The following PTPRE variants were observed in gnomAD, a reference collection of about 807,000 sequenced individuals.
PTPRE encodes the protein protein tyrosine phosphatase receptor type E, also known as receptor-type tyrosine-protein phosphatase epsilon.
A neutral mutation model predicts 102.0 loss-of-function variants in PTPRE; 51 were observed. The observed-to-expected ratio is 0.50, with a 90% confidence interval of 0.40 to 0.63. The LOEUF (loss-of-function observed/expected upper bound fraction) is 0.63, where lower values mean the gene tolerates loss of function less well. Among genes scored for constraint, PTPRE ranks in the 30% least tolerant of loss-of-function variants. The pLI is 0.00. For missense variants in PTPRE, 752 were observed against 915.1 expected, an observed-to-expected ratio of 0.82 and a Z score of 2.30; for synonymous variants, 345 against 348.2, an observed-to-expected ratio of 0.99 and a Z score of 0.10.
intron 2 of PTPRE, among the ~76,000 whole-genome samples, chr10:128,036,490 G>A (rs867203575): frequency 2.0e-4 from 31 of 152,220 alleles, no homozygotes; most frequent in African/African-American, 6.7e-4. Context: ...AGCTTATCCC[G>A]CTTCATAGGA....
At chr10:127,986,749 C>T (rs969068277) in intron 2 of PTPRE, among the ~76,000 whole-genome samples, 1 of 152,202 alleles carries the variant, frequency 6.6e-6, no homozygotes, top group Non-Finnish European at 1.5e-5. Context: ...AGGGTTCTGA[C>T]AGGCAGGGGG....
intron 1 of PTPRE, among the ~76,000 whole-genome samples, chr10:127,927,139 T>TAGGTACACTGGAGAGTGACAATGGCAGGC (rs1225054196): frequency 6.6e-6 from 1 of 151,906 alleles, no homozygotes; most frequent in African/African-American, 2.4e-5. Flanking sequence ...CAATGGCAGG[T>TAGGTACACTGGAGAGTGACAATGGCAGGC]AGGTACACTG....
chr10:128,026,583 T>C (rs1005081961), intron 2 of PTPRE, among the ~76,000 whole-genome samples: 2 of 152,210 alleles, frequency 1.3e-5, no homozygotes, highest in African/African-American at 2.4e-5. Flanking sequence ...CATCCTTATT[T>C]CTCTGCCTGT....
chr10:127,923,969 A>G (rs950288013), intron 1 of PTPRE, among the ~76,000 whole-genome samples: 4 of 152,156 alleles, frequency 2.6e-5, no homozygotes, highest in Non-Finnish European at 5.9e-5. Flanking sequence ...TAAGCTGGAA[A>G]ATATCCATGA....
intron 1 of PTPRE, among the ~76,000 whole-genome samples, chr10:127,961,290 G>T (rs961706378): frequency 1.3e-5 from 2 of 152,152 alleles, no homozygotes; most frequent in South Asian, 2.1e-4. Context: ...TGGTGACAGC[G>T]TCCCCTTTTT....
At chr10:128,036,121 C>T (rs1288390319) in intron 2 of PTPRE, among the ~76,000 whole-genome samples, 2 of 150,706 alleles carry the variant, frequency 1.3e-5, no homozygotes, top group Non-Finnish European at 2.9e-5. Flanking sequence ...CCTTTCCTAC[C>T]CTGGGTGTGT....
chr10:127,930,111 G>A (rs1304285290), intron 1 of PTPRE, among the ~76,000 whole-genome samples: 3 of 148,946 alleles, frequency 2.0e-5, no homozygotes, highest in Non-Finnish European at 4.5e-5. Context: ...ATTGTTTTTA[G>A]ATTTTATTTT....
At chr10:128,017,595 C>T (rs1226381812) in intron 2 of PTPRE, among the ~76,000 whole-genome samples, 1 of 152,018 alleles carries the variant, frequency 6.6e-6, no homozygotes, top group Non-Finnish European at 1.5e-5. Context: ...AATTGGATGA[C>T]CTACTCTGGG....
At chr10:127,990,411 C>CA (rs60034358) in intron 2 of PTPRE, among the ~76,000 whole-genome samples, 10,514 of 65,328 alleles carry the variant, frequency 0.16, 782 homozygotes, top group Non-Finnish European at 0.19. Context: ...GACTCCACCT[C>CA]AAAAAAAAAA....
At chr10:128,049,478 G>T (rs181779079) in intron 5 of PTPRE, 52 bp from the exon 6 acceptor site, 9 of 1,598,422 alleles carry the variant, frequency 5.6e-6, no homozygotes, top group Non-Finnish European at 7.7e-6. Context: ...TTACTCAGTC[G>T]CCTATCCAGG....
chr10:127,931,363 G>A (rs547212037), intron 1 of PTPRE, among the ~76,000 whole-genome samples: 2 of 152,158 alleles, frequency 1.3e-5, no homozygotes, highest in Admixed American at 6.5e-5. Flanking sequence ...CAAAGGATTC[G>A]TGTTCCAGAA....
chr10:128,019,978 A>T (rs1845735400), intron 2 of PTPRE, among the ~76,000 whole-genome samples: 2 of 151,582 alleles, frequency 1.3e-5, no homozygotes, highest in Admixed American at 1.3e-4. Context: ...GTTGGTCGAC[A>T]TGTGTTCCTT....
chr10:128,042,195 C>T (rs941582924), intron 3 of PTPRE, among the ~76,000 whole-genome samples: 8 of 152,276 alleles, frequency 5.3e-5, no homozygotes, highest in African/African-American at 9.6e-5. Context: ...CGACTGGCCA[C>T]GTAGAAACAT....
intron 2 of PTPRE, among the ~76,000 whole-genome samples, chr10:127,994,365 C>T (rs1351513374): frequency 2.0e-5 from 3 of 152,226 alleles, no homozygotes; most frequent in East Asian, 3.8e-4. Flanking sequence ...CCCCAAGTTA[C>T]TTTCTGTACC....
chr10:127,956,160 T>C (rs1849389074), intron 1 of PTPRE, among the ~76,000 whole-genome samples: 1 of 152,200 alleles, frequency 6.6e-6, no homozygotes, highest in Non-Finnish European at 1.5e-5. Context: ...TGCATATATA[T>C]AGGTGCCAAG....
chr10:128,061,765 C>T, intron 9 of PTPRE, 50 bp downstream of exon 9: 1 of 1,553,548 alleles, frequency 6.4e-7, no homozygotes, highest in Non-Finnish European at 8.7e-7. Flanking sequence ...GTGAATAGCT[C>T]TTATTTCCTT....
intron 1 of PTPRE, among the ~76,000 whole-genome samples, chr10:127,911,782 G>A (rs901087412): frequency 1.1e-4 from 17 of 152,314 alleles, no homozygotes; most frequent in Middle Eastern, 3.4e-3. Context: ...GGAGAGGCCC[G>A]TGGGTACATG....
intron 9 of PTPRE, among the ~76,000 whole-genome samples, chr10:128,062,310 T>C (rs1473953610): frequency 6.6e-6 from 1 of 152,182 alleles, no homozygotes; most frequent in Non-Finnish European, 1.5e-5. Flanking sequence ...CAAAATCACC[T>C]GGGAAGTTGT....
intron 1 of PTPRE, among the ~76,000 whole-genome samples, chr10:127,933,485 G>C (rs935962151): frequency 6.6e-6 from 1 of 152,018 alleles, no homozygotes; most frequent in Non-Finnish European, 1.5e-5. Context: ...AGCATGCCAC[G>C]CGTTCTGGAT....
Sources: gnomAD v4.1 joint callset for allele counts (sites outside exome capture counted in the v4.1 genomes callset) on GRCh38, gnomAD v4.1.1 for gene constraint, MANE v1.5 for transcripts, NCBI Gene and HGNC (gene_info 2026-07-23, HGNC 2026-07-21) for gene names.